The following COG5 variants were observed in gnomAD, a reference collection of about 807,000 sequenced individuals.
COG5 encodes the protein component of oligomeric golgi complex 5, also known as conserved oligomeric Golgi complex subunit 5.
In COG5, 86 loss-of-function variants were observed where a neutral mutation model predicts 110.4. The ratio of observed to expected loss-of-function variants is 0.78; its 90% CI spans 0.65 to 0.93. The LOEUF is 0.93. COG5 is among the 40% of genes least tolerant of loss of function. COG5 has a pLI of 0.00. For missense variants in COG5, 1,077 were observed against 987.0 expected (o/e 1.09, Z -1.22); for synonymous variants, 360 against 334.6 (o/e 1.08, Z -0.83).
intron 16 of COG5, among the ~76,000 whole-genome samples, chr7:107,254,650 G>A (rs923480201): frequency 6.6e-6 from 1 of 152,108 alleles, no homozygotes; most frequent in Non-Finnish European, 1.5e-5. Context: ...TGCAGCCCAA[G>A]ATTAGGGCAA....
chr7:107,513,789 A>G (rs1799713615), intron 6 of COG5, among the ~76,000 whole-genome samples: 1 of 152,080 alleles, frequency 6.6e-6, no homozygotes, highest in African/African-American at 2.4e-5. Context: ...TCAGCAAACT[A>G]TTGCAAGGAC....
chr7:107,389,605 G>C (rs1790465745), intron 7 of COG5, among the ~76,000 whole-genome samples: 1 of 152,168 alleles, frequency 6.6e-6, no homozygotes, highest in African/African-American at 2.4e-5. Flanking sequence ...CTGTCACAGG[G>C]GACAAGCCCG....
chr7:107,207,241 A>G (rs2023892), intron 21 of COG5, among the ~76,000 whole-genome samples: 27,581 of 152,156 alleles, frequency 0.18, 2,657 homozygotes, highest in Non-Finnish European at 0.22. Context: ...CAGACACTCC[A>G]TTCACAGAAC....
intron 2 of COG5, among the ~76,000 whole-genome samples, chr7:107,556,233 T>A (rs1470001266): frequency 6.6e-6 from 1 of 152,184 alleles, no homozygotes. Flanking sequence ...TTCAACTCCG[T>A]CCACTAGCTA....
chr7:107,339,757 T>C (rs770323313), intron 10 of COG5, among the ~76,000 whole-genome samples: 4 of 152,008 alleles, frequency 2.6e-5, no homozygotes, highest in Non-Finnish European at 5.9e-5. Context: ...AAACAACATG[T>C]CTCTGAATGA....
rs756358916 is a variant in COG5 at position 107,294,881 on chromosome 7, TTGTGTGTGTGTG to T, written c.1313+3249_1313+3260del. Among the ~76,000 whole-genome samples, 239 of 94,268 alleles carry T rather than the reference TTGTGTGTGTGTG, an allele frequency of 2.5e-3. 2 individuals are homozygous for T. The highest frequency in any genetic ancestry group is 5.4e-3 in the African/African-American group (117 of 21,664). The allele number at this position is 94,268 out of a possible 152,430, so 61.8% of individuals were successfully genotyped here. A position where few individuals can be genotyped will look rare whatever the true frequency, so the allele number is the denominator to read the frequency against. On this transcript the variant is annotated intron_variant, in intron 12 of 21. Transcript: ENST00000297135. ...TAGGCATGTGCCACCATGCCTGGATTTGTGTGTGTGTGTGTGTGTGTGTGTGTGTGTGTGTGT... is the reference window on the plus strand; with the variant it reads ...TAGGCATGTGCCACCATGCCTGGATTTGTGTGTGTGTGTGTGTGTGTGTGT...
At chr7:107,399,481 T>C (rs968845472) in intron 7 of COG5, among the ~76,000 whole-genome samples, 1 of 152,048 alleles carries the variant, frequency 6.6e-6, no homozygotes, top group Non-Finnish European at 1.5e-5. Flanking sequence ...GGTTTTATAA[T>C]GGGCTCTTTC....
intron 7 of COG5, among the ~76,000 whole-genome samples, chr7:107,379,387 T>C (rs555800454): frequency 6.6e-6 from 1 of 152,196 alleles, no homozygotes; most frequent in Admixed American, 6.5e-5. Flanking sequence ...AACCAGCTAG[T>C]ATCATGATGA....
intron 7 of COG5, among the ~76,000 whole-genome samples, chr7:107,402,817 C>A (rs769195168): frequency 2.0e-5 from 3 of 152,172 alleles, no homozygotes; most frequent in Non-Finnish European, 4.4e-5. Context: ...AGAAGATGTG[C>A]TCTACATCAC....
rs556552915 is a variant in COG5, at chr7:107,467,328, G to C, written c.539-54696C>G. Among the ~76,000 whole-genome samples, 9 of 152,142 alleles carry C rather than the reference G, an allele frequency of 5.9e-5. 1 individual carries two copies. In the South Asian group the frequency reaches 1.9e-3, roughly 32 times the overall value. ...AGTGTGAGTGTTACTACGGAAACAA[G>C]GATCTTCATAAATTGATAATCTGAA... is the stretch of plus-strand genomic sequence containing the variant. On this transcript the variant is annotated intron_variant, in intron 6 of 21. Transcript: ENST00000297135.
In COG5 at chr7:107,252,544, A is replaced by G. The variant is rs935451036; in HGVS notation, c.1750-4045T>C. On this transcript the variant is annotated intron_variant, in intron 16 of 21. Coordinates refer to ENST00000297135, the MANE Select transcript of COG5 (RefSeq NM_006348.5). ...AACAGAAGAGGAGGAAACACTTTCA[A>G]ACTCATTTAGTGAAGCCAGTATTAA... 2.6e-5 allele frequency among the ~76,000 whole-genome samples: 4 copies of G among 152,214 alleles called. No individual in the cohort carries two copies. The South Asian group carries it at 8.3e-4, about 31-fold the overall frequency.
chr7:107,323,053 A>G (rs969696670), intron 11 of COG5, among the ~76,000 whole-genome samples: 1 of 152,228 alleles, frequency 6.6e-6, no homozygotes, highest in Admixed American at 6.5e-5. Flanking sequence ...GAAATGTTCT[A>G]TATCTTAATT....
chr7:107,386,026 T>C (rs1160309961), intron 7 of COG5, among the ~76,000 whole-genome samples: 1 of 144,436 alleles, frequency 6.9e-6, no homozygotes, highest in East Asian at 2.0e-4. Flanking sequence ...GTGTGTGTGG[T>C]TGAGTTCTGT....
chr7:107,546,902 A>C (rs1802496178), intron 5 of COG5, among the ~76,000 whole-genome samples: 1 of 152,184 alleles, frequency 6.6e-6, no homozygotes, highest in Non-Finnish European at 1.5e-5. Context: ...CCTAACAAAG[A>C]AAAGCCCAGG....
chr7:107,380,714 G>A lies in COG5; in HGVS notation c.670-7954C>T, dbSNP rs562024065. ...CCCAGGACCAGACAAATTCACAGCC[G>A]AATTCTACGAGAGGTTCAAAGAGGA... On this transcript the variant is annotated intron_variant, in intron 7 of 21. Transcript: ENST00000297135. 3.2e-4 allele frequency among the ~76,000 whole-genome samples: 48 copies of A among 152,226 alleles called. 1 individual carries two copies. Among genetic ancestry groups the A allele is most frequent in the African/African-American group, 1.1e-3 (45 of 41,542 alleles).
chr7:107,531,663 G>T (rs1801210477), intron 5 of COG5, among the ~76,000 whole-genome samples: 1 of 134,178 alleles, frequency 7.5e-6, no homozygotes, highest in Non-Finnish European at 1.6e-5. Flanking sequence ...GGTGTTCTGG[G>T]GTTTTGCTTT....
chr7:107,221,777 AAAAAG>A (rs1195017342), intron 19 of COG5, among the ~76,000 whole-genome samples: 1 of 151,832 alleles, frequency 6.6e-6, no homozygotes, highest in African/African-American at 2.4e-5. Flanking sequence ...AAAAAAAAAA[AAAAAG>A]AGATGCTTAA....
Position 107,527,246 on chromosome 7 carries a change from T to C in COG5, c.529A>G (p.Asn177Asp). The C allele has an allele frequency of 6.3e-7, 1 of 1,588,678 alleles. No homozygotes were observed. The highest frequency in any genetic ancestry group is 8.6e-7 in the Non-Finnish European group (1 of 1,165,304). ...AAAAAAAAAAACTTACCAAGTTCAT[T>C]GAGACTCTGAGCAGCTTTTGTTATC... ...REITKAAQSL[N>D]ELDYLSQGID... The change falls in exon 6 of 22, where the codon AAT becomes GAT. Residue 177 changes from asparagine to aspartate, a missense_variant. Asn to Asp is a conservative substitution (Grantham distance 23, BLOSUM62 1). Transcript: ENST00000297135.
intron 6 of COG5, among the ~76,000 whole-genome samples, chr7:107,516,646 C>T (rs945365788): frequency 6.6e-6 from 1 of 152,182 alleles, no homozygotes; most frequent in Non-Finnish European, 1.5e-5. Flanking sequence ...CCCTCTGGGA[C>T]GAAGCTTCCA....
Sources: gnomAD v4.1 joint callset for allele counts (sites outside exome capture counted in the v4.1 genomes callset) on GRCh38, gnomAD v4.1.1 for gene constraint, MANE v1.5 for transcripts, NCBI Gene and HGNC (gene_info 2026-07-23, HGNC 2026-07-21) for gene names.